The following CLSTN2 variants were observed in gnomAD, a reference collection of about 807,000 sequenced individuals.
CLSTN2 encodes the protein calsyntenin 2.
CLSTN2 carries 48 observed loss-of-function variants against 101.2 expected under a neutral mutation model. That is an observed-to-expected ratio of 0.47 (90% CI 0.38 to 0.60). CLSTN2 has a LOEUF of 0.60. Among genes scored for constraint, CLSTN2 ranks in the 20% least tolerant of loss-of-function variants. The pLI is 0.00. For synonymous variants in CLSTN2, 481 were observed against 463.6 expected, an observed-to-expected ratio of 1.04 and a Z score of -0.48; for missense variants, 1,160 against 1,238.2, an observed-to-expected ratio of 0.94 and a Z score of 0.95.
intron 5 of CLSTN2, among the ~76,000 whole-genome samples, chr3:140,447,678 T>A (rs1038383297): frequency 6.6e-6 from 1 of 152,254 alleles, no homozygotes; most frequent in Non-Finnish European, 1.5e-5. Context: ...CCTCATGAGA[T>A]CCTTGAACAA....
chr3:140,387,560 G>A (rs75871087), intron 2 of CLSTN2, among the ~76,000 whole-genome samples: 2,298 of 152,256 alleles, frequency 0.015, 62 homozygotes, highest in African/African-American at 0.053. Context: ...TTGCCAACTG[G>A]GTCCCTGATG....
intron 5 of CLSTN2, among the ~76,000 whole-genome samples, chr3:140,424,594 C>T (rs2107993428): frequency 6.6e-6 from 1 of 152,350 alleles, no homozygotes; most frequent in Non-Finnish European, 1.5e-5. Flanking sequence ...CTTCTCCCAG[C>T]TGTGTAGAGC....
chr3:140,138,510 A>C (rs2009648895), intron 1 of CLSTN2, among the ~76,000 whole-genome samples: 2 of 152,214 alleles, frequency 1.3e-5, no homozygotes, highest in African/African-American at 4.8e-5. Context: ...AAGGAGTTTA[A>C]TAATGGGGCT....
intron 5 of CLSTN2, among the ~76,000 whole-genome samples, chr3:140,431,337 G>C (rs1161995556): frequency 6.6e-6 from 1 of 152,174 alleles, no homozygotes; most frequent in African/African-American, 2.4e-5. Context: ...AAGTGGGCCT[G>C]AGACTTGGGT....
At chr3:140,159,286 G>A (rs953174618) in intron 1 of CLSTN2, among the ~76,000 whole-genome samples, 2 of 152,106 alleles carry the variant, frequency 1.3e-5, no homozygotes, top group South Asian at 4.2e-4. Context: ...TCCAACAAAG[G>A]CCTAATATCC....
At chr3:140,095,127 C>T (rs923207513) in intron 1 of CLSTN2, among the ~76,000 whole-genome samples, 1 of 152,258 alleles carries the variant, frequency 6.6e-6, no homozygotes, top group Non-Finnish European at 1.5e-5. Flanking sequence ...TTTCTCTACC[C>T]CTTTCTGATT....
At chr3:140,530,548 A>G (rs1355790765) in intron 8 of CLSTN2, among the ~76,000 whole-genome samples, 1 of 152,226 alleles carries the variant, frequency 6.6e-6, no homozygotes, top group African/African-American at 2.4e-5. Flanking sequence ...TCTTCTTTGC[A>G]ATTGTTTATG....
At chr3:140,185,768 G>A (rs1361654894) in intron 2 of CLSTN2, among the ~76,000 whole-genome samples, 2 of 152,168 alleles carry the variant, frequency 1.3e-5, no homozygotes, top group East Asian at 1.9e-4. Flanking sequence ...GCAGTTAGGA[G>A]TACCCTGTCA....
At position 140,570,586 on chromosome 3, in the gene CLSTN2, G is replaced by A. The variant is rs193081041; in HGVS notation, c.*4333G>A. 2.6e-5 allele frequency: 4 copies of A among 152,116 alleles called. No homozygotes were observed. Among genetic ancestry groups the A allele is most frequent in the East Asian group, 1.9e-4 (1 of 5,176 alleles). 9.4% of individuals were successfully genotyped at this position (152,116 alleles called of 1,614,324 possible). On this transcript the variant is annotated 3_prime_UTR_variant, in exon 17 of 17. Coordinates refer to ENST00000458420, the MANE Select transcript of CLSTN2 (RefSeq NM_022131.3). ...ATTGTAGCATGAAAACAGACAATAC[G>A]TACAACAAATGAATGTTTCAATACA...
intron 10 of CLSTN2, among the ~76,000 whole-genome samples, chr3:140,553,836 G>C (rs547520768): frequency 6.6e-6 from 1 of 152,158 alleles, no homozygotes; most frequent in African/African-American, 2.4e-5. Flanking sequence ...TGTAGCCTCC[G>C]CAATGCCCAG....
At position 140,509,936 on chromosome 3, in the gene CLSTN2, C is replaced by T. The variant is rs183516022; in HGVS notation, c.1345-22388C>T. 1.2e-3 allele frequency among the ~76,000 whole-genome samples: 176 copies of T among 152,268 alleles called. 2 individuals carry two copies. Among genetic ancestry groups the T allele is most frequent in the Non-Finnish European group, 1.5e-3 (105 of 68,026 alleles). ...TAATGGGGTTGTTTTCCAATAAGCCCATCGTAAGTTGAAAATACCATAAAT... is the reference window on the plus strand; with the variant it reads ...TAATGGGGTTGTTTTCCAATAAGCCTATCGTAAGTTGAAAATACCATAAAT... On this transcript the variant is annotated intron_variant, in intron 8 of 16. Transcript: ENST00000458420.
intron 1 of CLSTN2, among the ~76,000 whole-genome samples, chr3:140,065,960 C>T (rs2008292160): frequency 6.6e-6 from 1 of 152,126 alleles, no homozygotes; most frequent in Admixed American, 6.5e-5. Flanking sequence ...GATTTTCCAC[C>T]CATTTTGCAT....
chr3:140,034,100 C>A (rs562193064), intron 1 of CLSTN2, among the ~76,000 whole-genome samples: 3 of 152,302 alleles, frequency 2.0e-5, no homozygotes, highest in Non-Finnish European at 4.4e-5. Flanking sequence ...GTGGAAAGCA[C>A]AAAGCCAGTG....
intron 1 of CLSTN2, among the ~76,000 whole-genome samples, chr3:139,993,202 CT>C (rs1424194135): frequency 6.6e-6 from 1 of 152,100 alleles, no homozygotes; most frequent in Non-Finnish European, 1.5e-5. Context: ...TCCTTCCCTC[CT>C]ATTCCAAGAG....
At chr3:140,469,034 G>T (rs1235111383) in intron 8 of CLSTN2, among the ~76,000 whole-genome samples, 3 of 152,116 alleles carry the variant, frequency 2.0e-5, no homozygotes, top group African/African-American at 7.2e-5. Context: ...CTTTTAGAGG[G>T]CCTCCTTCTC....
intron 1 of CLSTN2, among the ~76,000 whole-genome samples, chr3:140,043,859 G>A (rs373736879): frequency 1.8e-4 from 27 of 152,096 alleles, no homozygotes; most frequent in East Asian, 9.7e-4. Flanking sequence ...ATTTCTGAGG[G>A]CTCTGTTCTG....
intron 2 of CLSTN2, among the ~76,000 whole-genome samples, chr3:140,316,286 C>T (rs1395006930): frequency 6.6e-6 from 1 of 152,184 alleles, no homozygotes; most frequent in Admixed American, 6.5e-5. Flanking sequence ...AACTCCTAAT[C>T]TCAAGTCCTA....
intron 1 of CLSTN2, among the ~76,000 whole-genome samples, chr3:140,014,469 T>G (rs964607179): frequency 6.6e-6 from 1 of 152,114 alleles, no homozygotes; most frequent in Admixed American, 6.5e-5. Flanking sequence ...TCCACCCACC[T>G]TGGCCTCCAA....
intron 5 of CLSTN2, among the ~76,000 whole-genome samples, chr3:140,448,191 A>G (rs1576572880): frequency 6.7e-6 from 1 of 149,816 alleles, no homozygotes; most frequent in Non-Finnish European, 1.5e-5. Context: ...AGTGGCTGGT[A>G]TATGTTTGAG....
Sources: allele counts gnomAD v4.1 joint callset (sites outside exome capture counted in the v4.1 genomes callset), GRCh38; gene constraint gnomAD v4.1.1; transcripts MANE v1.5; gene names NCBI Gene and HGNC (gene_info 2026-07-23, HGNC 2026-07-21).